SPAG16: variants seen among roughly 807,000 people sequenced by gnomAD.
SPAG16 encodes the protein sperm associated antigen 16, also known as sperm-associated antigen 16 protein.
SPAG16 carries 86 observed loss-of-function variants against 80.4 expected under a neutral mutation model. The observed-to-expected ratio is 1.07, with a 90% CI of 0.90 to 1.28. The LOEUF is 1.28. Ranked by LOEUF, SPAG16 falls within the 50% of genes most tolerant of loss-of-function variation. The pLI, the probability that SPAG16 is intolerant of heterozygous loss-of-function variation, is 0.00. For synonymous variants in SPAG16, 294 were observed against 265.9 expected, an observed-to-expected ratio of 1.11 and a Z score of -1.03; for missense variants, 870 against 765.3, an observed-to-expected ratio of 1.14 and a Z score of -1.61.
chr2:213,425,865 A>G (rs1366600916), intron 9 of SPAG16, among the ~76,000 whole-genome samples: 1 of 152,168 alleles, frequency 6.6e-6, no homozygotes, highest in Non-Finnish European at 1.5e-5. Flanking sequence ...TGCTCCAATA[A>G]TAGAAAACAG....
chr2:213,298,102 C>G (rs2062584022), intron 3 of SPAG16, among the ~76,000 whole-genome samples: 2 of 152,084 alleles, frequency 1.3e-5, no homozygotes, highest in Admixed American at 1.3e-4. Context: ...TTTCCATATT[C>G]TGTAGACTTC....
At chr2:213,356,576 A>T (rs558177062) in intron 7 of SPAG16, among the ~76,000 whole-genome samples, 1 of 152,052 alleles carries the variant, frequency 6.6e-6, no homozygotes, top group South Asian at 2.1e-4. Context: ...TTGTATTTCT[A>T]TGGGATCGGT....
intron 9 of SPAG16, among the ~76,000 whole-genome samples, chr2:213,377,893 ATATATATATATTTT>A (rs201621192): frequency 7.7e-4 from 63 of 81,674 alleles, no homozygotes; most frequent in African/African-American, 2.8e-3. Flanking sequence ...ATATATATAT[ATATATATATATTTT>A]TTTTTTTTTT....
At chr2:214,028,274 T>C (rs1298198189) in intron 13 of SPAG16, among the ~76,000 whole-genome samples, 1 of 152,028 alleles carries the variant, frequency 6.6e-6, no homozygotes, top group Non-Finnish European at 1.5e-5. Context: ...CTATTGTACT[T>C]CTTAGATAGG....
intron 10 of SPAG16, among the ~76,000 whole-genome samples, chr2:213,664,387 T>A (rs916046077): frequency 3.3e-5 from 5 of 152,110 alleles, no homozygotes; most frequent in African/African-American, 1.2e-4. Context: ...GGAATAACTA[T>A]ATTTGTTATT....
At chr2:214,275,864 C>T (rs1456931956) in intron 15 of SPAG16, among the ~76,000 whole-genome samples, 1 of 152,076 alleles carries the variant, frequency 6.6e-6, no homozygotes, top group African/African-American at 2.4e-5. Flanking sequence ...TCTTCTGTCT[C>T]GTTGATCTGT....
chr2:214,042,528 A>G (rs1215290900), intron 13 of SPAG16, among the ~76,000 whole-genome samples: 2 of 152,152 alleles, frequency 1.3e-5, no homozygotes, highest in East Asian at 3.9e-4. Context: ...GCCCAAACAA[A>G]ATTTCTTTAT....
chr2:213,935,150 C>T (rs1053115517), intron 12 of SPAG16, among the ~76,000 whole-genome samples: 5 of 144,850 alleles, frequency 3.5e-5, no homozygotes, highest in Non-Finnish European at 7.4e-5. Context: ...TGCAGTGAGC[C>T]GAGATAGCGC....
chr2:213,989,080 T>G (rs2046158572), intron 12 of SPAG16, among the ~76,000 whole-genome samples: 1 of 152,088 alleles, frequency 6.6e-6, no homozygotes, highest in African/African-American at 2.4e-5. Flanking sequence ...GATAGTGTCA[T>G]ATGATGAAAC....
chr2:213,976,743 G>A (rs572742856), intron 12 of SPAG16, among the ~76,000 whole-genome samples: 7 of 152,176 alleles, frequency 4.6e-5, no homozygotes, highest in African/African-American at 1.7e-4. Context: ...CTGACAGACA[G>A]GAAGGAAAGA....
At chr2:213,595,069 A>G (rs1204251200) in intron 10 of SPAG16, among the ~76,000 whole-genome samples, 2 of 151,942 alleles carry the variant, frequency 1.3e-5, no homozygotes, top group African/African-American at 2.4e-5. Context: ...TAACCGTAGC[A>G]TTCAATAGGT....
rs1575517646 is a variant in SPAG16, at chr2:213,409,879, A to G, written c.942+34760A>G. Among the ~76,000 whole-genome samples, 4 of 152,288 alleles carry G rather than the reference A, an allele frequency of 2.6e-5. No homozygotes were observed. The South Asian group carries it at 8.3e-4, about 32-fold the overall frequency. On this transcript the variant is annotated intron_variant, in intron 9 of 15. Coordinates refer to ENST00000331683, the MANE Select transcript of SPAG16 (RefSeq NM_024532.5). Reference sequence around the variant, plus strand: ...CACTTAAAAGGTCAATTTCTTAGAAATTATATACTTGGTTTATCTTCCACT... The same window carrying G: ...CACTTAAAAGGTCAATTTCTTAGAAGTTATATACTTGGTTTATCTTCCACT...
chr2:213,704,300 A>T (rs562420634), intron 10 of SPAG16, among the ~76,000 whole-genome samples: 18 of 152,312 alleles, frequency 1.2e-4, no homozygotes, highest in African/African-American at 4.3e-4. Context: ...TTAATAGCCA[A>T]AGTTTATTAA....
intron 15 of SPAG16, among the ~76,000 whole-genome samples, chr2:214,241,949 A>G (rs1689528874): frequency 6.6e-6 from 1 of 152,182 alleles, no homozygotes; most frequent in Non-Finnish European, 1.5e-5. Context: ...TCTGGATTTC[A>G]TATCCTGGAT....
chr2:214,247,297 CA>C (rs962279734), intron 15 of SPAG16, among the ~76,000 whole-genome samples: 6 of 148,714 alleles, frequency 4.0e-5, no homozygotes, highest in Middle Eastern at 3.4e-3. Flanking sequence ...ATCTTTTTTC[CA>C]AAAAAAAAGA....
intron 10 of SPAG16, among the ~76,000 whole-genome samples, chr2:213,603,925 G>GT (rs111445953): frequency 0.011 from 1,593 of 140,330 alleles, 11 homozygotes; most frequent in African/African-American, 0.03. Flanking sequence ...AGACTTCCTG[G>GT]TTTTTTTTTT....
chr2:213,836,169 A>C (rs1344060158), intron 10 of SPAG16, among the ~76,000 whole-genome samples: 1 of 108,640 alleles, frequency 9.2e-6, no homozygotes, highest in Non-Finnish European at 1.9e-5. Context: ...AGGAATTTTC[A>C]TTATTCGCCC....
At chr2:213,521,664 G>C (rs941809511) in intron 10 of SPAG16, among the ~76,000 whole-genome samples, 9 of 152,112 alleles carry the variant, frequency 5.9e-5, no homozygotes, top group African/African-American at 1.9e-4. Context: ...TCTCCCTGCT[G>C]GTGTTGGTCT....
chr2:213,871,251 A>C (rs13024824), intron 11 of SPAG16, among the ~76,000 whole-genome samples: 34,956 of 152,002 alleles, frequency 0.23, 4,662 homozygotes, highest in East Asian at 0.4. Context: ...CAGAATAAGG[A>C]CGTTCAAAAA....
Sources: gnomAD v4.1 joint callset for allele counts (sites outside exome capture counted in the v4.1 genomes callset) on GRCh38, gnomAD v4.1.1 for gene constraint, MANE v1.5 for transcripts, NCBI Gene and HGNC (gene_info 2026-07-23, HGNC 2026-07-21) for gene names.